ELAPOR1: variants seen among roughly 807,000 people sequenced by gnomAD.
ELAPOR1 encodes the protein endosome/lysosome-associated apoptosis and autophagy regulator 1.
ELAPOR1 carries 77 observed loss-of-function variants against 119.7 expected under a neutral mutation model. That is an observed-to-expected ratio of 0.64 (90% CI 0.54 to 0.78). The LOEUF is 0.78. Among genes scored for constraint, ELAPOR1 ranks in the 30% least tolerant of loss-of-function variants. The probability of loss-of-function intolerance (pLI) is 0.00; values close to 1 mark genes in which losing one functional copy is unlikely to be tolerated. For missense variants in ELAPOR1, 1,115 were observed against 1,270.4 expected, an observed-to-expected ratio of 0.88 and a Z score of 1.86; for synonymous variants, 481 against 487.2, an observed-to-expected ratio of 0.99 and a Z score of 0.17.
At position 109,194,585 on chromosome 1, in the gene ELAPOR1, T is replaced by C. The variant is rs1359298924; in HGVS notation, c.2112T>C (p.Cys704=). 1.2e-6 allele frequency: 2 copies of C among 1,613,718 alleles called. No homozygotes were observed. Among genetic ancestry groups the C allele is most frequent in the Non-Finnish European group, 1.7e-6 (2 of 1,179,728 alleles). ...TCCATCACTTTACCCTCAGTCTCTG[T>C]GGAAACCAGGTAAGGTATACCAGTT... ...KYFHHFTLSL[C]GNQGRKMSVC... is the part of the protein sequence containing the mutation. Residue 704 remains cysteine (C), a synonymous_variant, in exon 15 of 22, where the codon TGT becomes TGC. Coordinates refer to ENST00000369939, the MANE Select transcript of ELAPOR1 (RefSeq NM_020775.5).
chr1:109,133,454 G>A (rs1570616749), intron 1 of ELAPOR1, among the ~76,000 whole-genome samples: 2 of 152,224 alleles, frequency 1.3e-5, no homozygotes, highest in East Asian at 1.9e-4. Flanking sequence ...TGTACTGATG[G>A]TCTGTCTGTG....
At chr1:109,151,727 T>G (rs1246167254) in intron 1 of ELAPOR1, among the ~76,000 whole-genome samples, 1 of 152,158 alleles carries the variant, frequency 6.6e-6, no homozygotes, top group Non-Finnish European at 1.5e-5. Context: ...GAGCTTCCAT[T>G]AATTTGGGGT....
intron 3 of ELAPOR1, among the ~76,000 whole-genome samples, chr1:109,167,568 C>A (rs1286451422): frequency 3.9e-5 from 6 of 152,210 alleles, no homozygotes; most frequent in African/African-American, 1.4e-4. Context: ...CCATTCCCAG[C>A]CTCCTCCAGG....
intron 1 of ELAPOR1, among the ~76,000 whole-genome samples, chr1:109,135,229 C>A (rs1050720776): frequency 6.6e-6 from 1 of 151,558 alleles, no homozygotes; most frequent in African/African-American, 2.4e-5. Context: ...GTGAGAGAGG[C>A]CTAAGAATTC....
intron 3 of ELAPOR1, among the ~76,000 whole-genome samples, chr1:109,169,684 G>A (rs558269393): frequency 1.3e-5 from 2 of 152,194 alleles, no homozygotes; most frequent in South Asian, 4.1e-4. Context: ...CCAGGTCCAG[G>A]CTGGTGCTGG....
intron 15 of ELAPOR1, among the ~76,000 whole-genome samples, chr1:109,195,120 T>TA (rs1653702753): frequency 6.6e-6 from 1 of 151,072 alleles, no homozygotes; most frequent in Admixed American, 6.6e-5. Flanking sequence ...AGAAAAATAA[T>TA]AAAAAATCAA....
intron 17 of ELAPOR1, 34 bp downstream of exon 17, chr1:109,198,109 A>G: frequency 2.0e-6 from 3 of 1,506,010 alleles, no homozygotes; most frequent in Non-Finnish European, 2.8e-6. Context: ...TGCAAGTGAA[A>G]CCTAGGACTC....
At chr1:109,155,864 C>T (rs558295897) in intron 1 of ELAPOR1, among the ~76,000 whole-genome samples, 5 of 152,200 alleles carry the variant, frequency 3.3e-5, no homozygotes, top group Non-Finnish European at 5.9e-5. Flanking sequence ...TATTTTTGGA[C>T]GGGTGTGGTG....
chr1:109,146,236 C>T (rs1453043438), intron 1 of ELAPOR1, among the ~76,000 whole-genome samples: 1 of 152,092 alleles, frequency 6.6e-6, no homozygotes, highest in Non-Finnish European at 1.5e-5. Flanking sequence ...GAAGAATCAC[C>T]TGAGCCCAGG....
rs71069655 is a variant in ELAPOR1 at position 109,144,061 on chromosome 1, A to ATTTTTTTTTTTT, written c.154-17829_154-17818dup. On this transcript the variant is annotated intron_variant, in intron 1 of 21. Transcript: ENST00000369939. ...TATATATATATATATATATTTATAT[A>ATTTTTTTTTTTT]TTTTTTTTTTTTTTTGAGATGGAGT... is the stretch of plus-strand genomic sequence containing the variant. Among the ~76,000 whole-genome samples the ATTTTTTTTTTTT allele has an allele frequency of 4.2e-3, 371 of 88,954 alleles. 33 individuals carry two copies. Among genetic ancestry groups the ATTTTTTTTTTTT allele is most frequent in the Middle Eastern group, 8.2e-3 (1 of 122 alleles). The allele number at this position is 88,954 out of a possible 152,430, so 58.4% of individuals were successfully genotyped here.
At chr1:109,199,464 C>G (rs1174513929) in intron 18 of ELAPOR1, among the ~76,000 whole-genome samples, 1 of 152,164 alleles carries the variant, frequency 6.6e-6, no homozygotes, top group Admixed American at 6.5e-5. Context: ...CATTCCTGAA[C>G]CCCACCTCAA....
chr1:109,169,090 G>A (rs1171525973), intron 3 of ELAPOR1, among the ~76,000 whole-genome samples: 1 of 152,144 alleles, frequency 6.6e-6, no homozygotes, highest in Non-Finnish European at 1.5e-5. Context: ...AATCAATGCT[G>A]TTAGGTTAGC....
rs573569544 is a variant in ELAPOR1 at position 109,132,522 on chromosome 1, G to C, written c.153+18186G>C. ...TAATCAAATCATATAAGGATAAAAT[G>C]ACAACTTTGACAGTGCTACAAAGAA... is the stretch of plus-strand genomic sequence containing the variant. On this transcript the variant is annotated intron_variant, in intron 1 of 21. Coordinates refer to ENST00000369939, the MANE Select transcript of ELAPOR1 (RefSeq NM_020775.5). Among the ~76,000 whole-genome samples the C allele has an allele frequency of 9.2e-5, 14 of 152,266 alleles. No individual in the cohort carries two copies. The South Asian group carries it at 1.9e-3, about 20-fold the overall frequency.
intron 1 of ELAPOR1, among the ~76,000 whole-genome samples, chr1:109,116,682 T>A (rs1648029237): frequency 2.5e-4 from 1 of 4,050 alleles, no homozygotes. Context: ...TCTCTGTTCT[T>A]TTTTTTTTTT....
At chr1:109,147,319 T>C (rs1003821843) in intron 1 of ELAPOR1, among the ~76,000 whole-genome samples, 32 of 152,278 alleles carry the variant, frequency 2.1e-4, no homozygotes, top group African/African-American at 7.5e-4. Flanking sequence ...TGAATGCCTA[T>C]TACTAAGTGA....
chr1:109,169,224 G>C (rs1651778588), intron 3 of ELAPOR1, among the ~76,000 whole-genome samples: 1 of 152,126 alleles, frequency 6.6e-6, no homozygotes, highest in Non-Finnish European at 1.5e-5. Flanking sequence ...ACTAATCTGA[G>C]ATTCCTTTAA....
chr1:109,171,997 TCATCTTTGAGTTTTTCGTAAGCCCCTG>T lies in ELAPOR1; in HGVS notation c.600_615+11del. On this transcript the variant is annotated splice_donor_variant and splice_donor_5th_base_variant and coding_sequence_variant and intron_variant, in exon 4 of 22. Coordinates refer to ENST00000369939, the MANE Select transcript of ELAPOR1 (RefSeq NM_020775.5). LOFTEE classifies it high-confidence loss of function. ...GAATACTACTATCCAGACTCCAGCATCATCTTTGAGTTTTTCGTAAGCCCCTGGCCAAGGTGGAGGGTGGGAGCTAAA... is the reference window on the plus strand; with the variant it reads ...GAATACTACTATCCAGACTCCAGCATGCCAAGGTGGAGGGTGGGAGCTAAA... 1 of 1,614,196 alleles carries T rather than the reference TCATCTTTGAGTTTTTCGTAAGCCCCTG, an allele frequency of 6.2e-7. No individual in the cohort carries two copies. The highest frequency in any genetic ancestry group is 1.3e-5 in the African/African-American group (1 of 75,048).
At chr1:109,125,064 G>C (rs1425414604) in intron 1 of ELAPOR1, among the ~76,000 whole-genome samples, 1 of 152,098 alleles carries the variant, frequency 6.6e-6, no homozygotes, top group Non-Finnish European at 1.5e-5. Context: ...GAGTAACTGA[G>C]ATTACAGGTG....
intron 15 of ELAPOR1, among the ~76,000 whole-genome samples, chr1:109,195,186 G>A (rs1437769334): frequency 3.3e-5 from 5 of 150,750 alleles, no homozygotes; most frequent in Non-Finnish European, 5.9e-5. Context: ...CTCAAAATGA[G>A]TCTATTTAAA....
Sources: allele counts gnomAD v4.1 joint callset (sites outside exome capture counted in the v4.1 genomes callset), GRCh38; gene constraint gnomAD v4.1.1; transcripts MANE v1.5; gene names NCBI Gene and HGNC (gene_info 2026-07-23, HGNC 2026-07-21).